PLPPR4: variants seen among roughly 807,000 people sequenced by gnomAD.
PLPPR4 encodes phospholipid phosphatase related 4.
Under a neutral mutation model 56.6 loss-of-function variants are expected in PLPPR4, and 24 were observed. The observed-to-expected ratio is 0.42, with a 90% CI of 0.31 to 0.60. The LOEUF (loss-of-function observed/expected upper bound fraction) is 0.60. Ranked by LOEUF, PLPPR4 falls within the 20% of genes least tolerant of loss-of-function variation. The pLI is 0.13. For synonymous variants in PLPPR4, 326 were observed against 328.1 expected (o/e 0.99, Z 0.07); for missense variants, 654 against 885.8 (o/e 0.74, Z 3.32).
intron 5 of PLPPR4, among the ~76,000 whole-genome samples, chr1:99,301,206 T>C (rs1659875071): frequency 6.6e-6 from 1 of 152,036 alleles, no homozygotes; most frequent in Non-Finnish European, 1.5e-5. Flanking sequence ...GGTATCCCTT[T>C]AATATTATAC....
At chr1:99,278,873 T>C (rs1304319394) in intron 1 of PLPPR4, among the ~76,000 whole-genome samples, 2 of 152,224 alleles carry the variant, frequency 1.3e-5, no homozygotes, top group African/African-American at 4.8e-5. Flanking sequence ...ATACATCTAT[T>C]AGGTGAGGTA....
chr1:99,278,080 G>T (rs906195213), intron 1 of PLPPR4, among the ~76,000 whole-genome samples: 19 of 152,140 alleles, frequency 1.2e-4, no homozygotes, highest in African/African-American at 4.1e-4. Context: ...TCTATAAAAA[G>T]AAATATTCTC....
At chr1:99,265,114 C>A (rs1170790711) in intron 1 of PLPPR4, among the ~76,000 whole-genome samples, 1 of 150,170 alleles carries the variant, frequency 6.7e-6, no homozygotes, top group Non-Finnish European at 1.5e-5. Context: ...TTACATAGTA[C>A]AAATATTGTT....
At chr1:99,285,321 G>A (rs546338127) in intron 1 of PLPPR4, among the ~76,000 whole-genome samples, 6 of 152,208 alleles carry the variant, frequency 3.9e-5, no homozygotes, top group Admixed American at 2.0e-4. Context: ...ATATTGGCAC[G>A]TAGTAAGCAC....
intron 1 of PLPPR4, among the ~76,000 whole-genome samples, chr1:99,283,825 T>A (rs539587794): frequency 3.3e-5 from 5 of 151,922 alleles, no homozygotes; most frequent in East Asian, 3.9e-4. Flanking sequence ...GGTGGCACGC[T>A]CCTGTAGTCC....
At position 99,269,001 on chromosome 1, in the gene PLPPR4, C is replaced by T. The variant is rs567979406; in HGVS notation, c.78+4330C>T. 8.0e-4 allele frequency among the ~76,000 whole-genome samples: 122 copies of T among 152,188 alleles called. 1 individual carries two copies. Among genetic ancestry groups the T allele is most frequent in the South Asian group, 7.3e-3 (35 of 4,822 alleles). On this transcript the variant is annotated intron_variant, in intron 1 of 6. Transcript: ENST00000370185. Reference sequence around the variant, plus strand: ...TGCAGTTTTGTTACATAGGTATACACGTGCCATGGTGGTTTGCTGCACCCA... The same window carrying T: ...TGCAGTTTTGTTACATAGGTATACATGTGCCATGGTGGTTTGCTGCACCCA...
intron 1 of PLPPR4, among the ~76,000 whole-genome samples, chr1:99,284,945 A>G (rs12062572): frequency 0.036 from 5,413 of 152,234 alleles, 317 homozygotes; most frequent in African/African-American, 0.12. Flanking sequence ...AGCAGATAAA[A>G]AAGAGCAGTG....
intron 1 of PLPPR4, among the ~76,000 whole-genome samples, chr1:99,278,951 T>G (rs1277001260): frequency 6.6e-6 from 1 of 152,226 alleles, no homozygotes; most frequent in Non-Finnish European, 1.5e-5. Flanking sequence ...TTAATGCTAA[T>G]GAAATCATTA....
intron 1 of PLPPR4, among the ~76,000 whole-genome samples, chr1:99,267,819 T>C (rs955291384): frequency 2.6e-5 from 4 of 152,176 alleles, no homozygotes; most frequent in Non-Finnish European, 4.4e-5. Context: ...TTGACACAAA[T>C]GGGGAGAGTG....
chr1:99,293,000 G>C (rs886622728), intron 2 of PLPPR4, among the ~76,000 whole-genome samples: 7 of 152,080 alleles, frequency 4.6e-5, no homozygotes, highest in African/African-American at 1.7e-4. Flanking sequence ...TCTATCTTTA[G>C]GGTGGCATAA....
In PLPPR4 at chr1:99,297,428, C is replaced by G. The variant is rs759033447; in HGVS notation, c.394+561C>G. 1.8e-4 allele frequency among the ~76,000 whole-genome samples: 28 copies of G among 152,064 alleles called. 1 individual carries two copies. Among genetic ancestry groups the G allele is most frequent in the Non-Finnish European group, 1.6e-4 (11 of 68,000 alleles). ...CCTGGCTACCAGCATCTGAATCAAA[C>G]CAGTTTTCAAACCTTCATCTCTTCT... On this transcript the variant is annotated intron_variant, in intron 3 of 6. Coordinates refer to ENST00000370185, the MANE Select transcript of PLPPR4 (RefSeq NM_014839.5).
chr1:99,305,400 T>G (rs1390222203), intron 6 of PLPPR4, among the ~76,000 whole-genome samples: 2 of 152,222 alleles, frequency 1.3e-5, no homozygotes, highest in Admixed American at 1.3e-4. Context: ...TTCTCTCTTG[T>G]CTGCTTTTTC....
intron 1 of PLPPR4, among the ~76,000 whole-genome samples, chr1:99,267,775 G>A (rs1484629286): frequency 1.3e-5 from 2 of 152,192 alleles, no homozygotes. Context: ...AATAGTTTGG[G>A]CTCCACAGGC....
Position 99,308,248 on chromosome 1 carries a change from C to T in PLPPR4, c.*1238C>T, listed in dbSNP as rs1008419351. On this transcript the variant is annotated 3_prime_UTR_variant, in exon 7 of 7. Coordinates refer to ENST00000370185, the MANE Select transcript of PLPPR4 (RefSeq NM_014839.5). ...TTAATTGGACACCAAGAGGAAGAAT[C>T]TGAAAAAAAAATGCATGTTGGTAAG... is the stretch of plus-strand genomic sequence containing the variant. 6.6e-6 allele frequency: 1 copy of T among 151,138 alleles called. No individual in the cohort carries two copies. The highest frequency in any genetic ancestry group is 1.5e-5 in the Non-Finnish European group (1 of 67,798). The allele number at this position is 151,138 out of a possible 1,614,324, so 9.4% of individuals were successfully genotyped here. A position where few individuals can be genotyped will look rare whatever the true frequency, so the allele number is the denominator to read the frequency against.
At chr1:99,305,245 T>G (rs943305711) in intron 6 of PLPPR4, among the ~76,000 whole-genome samples, 1 of 152,210 alleles carries the variant, frequency 6.6e-6, no homozygotes, top group Non-Finnish European at 1.5e-5. Flanking sequence ...TTGTTCTATA[T>G]TTTGTACACT....
chr1:99,275,086 A>T (rs1325382742), intron 1 of PLPPR4, among the ~76,000 whole-genome samples: 1 of 152,142 alleles, frequency 6.6e-6, no homozygotes, highest in African/African-American at 2.4e-5. Context: ...ATGATCTGAA[A>T]ATGCCTGTAT....
intron 1 of PLPPR4, among the ~76,000 whole-genome samples, chr1:99,273,800 A>G (rs937410332): frequency 6.6e-6 from 1 of 152,140 alleles, no homozygotes; most frequent in African/African-American, 2.4e-5. Context: ...AGGACTAATC[A>G]TATGAACATA....
rs114204147 is a variant in PLPPR4, at chr1:99,277,044, T to C, written c.79-10921T>C. Among the ~76,000 whole-genome samples, 681 of 152,066 alleles carry C rather than the reference T, an allele frequency of 4.5e-3. 4 individuals are homozygous for C. The highest frequency in any genetic ancestry group is 0.016 in the African/African-American group (652 of 41,558). The stretch of plus-strand genomic sequence containing the variant: ...AAACACTCTCATAATAAGCAGATAT[T>C]ACTGTTCTTTGGCCCTCCAGAAAGT... On this transcript the variant is annotated intron_variant, in intron 1 of 6. Transcript: ENST00000370185.
chr1:99,270,037 GT>G (rs1557772571), intron 1 of PLPPR4, among the ~76,000 whole-genome samples: 4 of 150,566 alleles, frequency 2.7e-5, no homozygotes, highest in African/African-American at 4.9e-5. Flanking sequence ...GTGTGTGTGT[GT>G]GTGTGTGGCA....
Sources: allele counts gnomAD v4.1 joint callset (sites outside exome capture counted in the v4.1 genomes callset), GRCh38; gene constraint gnomAD v4.1.1; transcripts MANE v1.5; gene names NCBI Gene and HGNC (gene_info 2026-07-23, HGNC 2026-07-21).